The following RAI2 variants were observed in gnomAD, a reference collection of about 807,000 sequenced individuals.
RAI2 encodes the protein retinoic acid-induced protein 2.
In RAI2, 5 loss-of-function variants were observed where a neutral mutation model predicts 15.3. The observed-to-expected ratio is 0.33, with a 90% CI of 0.17 to 0.69. The LOEUF (loss-of-function observed/expected upper bound fraction) is 0.69, where lower values mean the gene tolerates loss of function less well. Among genes scored for constraint, RAI2 ranks in the 30% least tolerant of loss-of-function variants. The pLI, the probability that RAI2 is intolerant of heterozygous loss-of-function variation, is 0.69. For missense variants in RAI2, 424 were observed against 424.7 expected, an observed-to-expected ratio of 1.00 and a Z score of 0.01; for synonymous variants, 191 against 184.0, an observed-to-expected ratio of 1.04 and a Z score of -0.31.
At chrX:17,806,245 G>C (rs2147213701) in intron 1 of RAI2, among the ~76,000 whole-genome samples, 1 of 112,042 alleles carries the variant, frequency 8.9e-6, no homozygotes, top group Admixed American at 9.4e-5. Context: ...TTGGGCCTAG[G>C]GTGGGTGGGG....
At chrX:17,819,731 A>G (rs910487038) in intron 1 of RAI2, among the ~76,000 whole-genome samples, 3 of 112,546 alleles carry the variant, frequency 2.7e-5, no homozygotes, top group African/African-American at 9.7e-5. Context: ...AAAAGTGCAC[A>G]TGCTGTAAGA....
rs1312001818 is a variant in RAI2 at position 17,800,631 on chromosome X, C to T, written c.1380G>A (p.Gly460=). The stretch of plus-strand genomic sequence containing the variant: ...TGAAGGAGAAGTTTTTGGTGGACAC[C>T]CCTGAGAGGCCTTTGATCTTGCCAC... ...IFCGKIKGLS[G]VSTKNFSFKR... Residue 460 remains glycine (G), a synonymous_variant, in exon 2 of 2, where the codon GGG becomes GGA. Transcript: ENST00000451717. 6.6e-6 allele frequency: 8 copies of T among 1,209,522 alleles called. No individual in the cohort carries two copies. The highest frequency in any genetic ancestry group is 7.8e-6 in the Non-Finnish European group (7 of 895,054).
chrX:17,839,077 G>A (rs756787247), intron 1 of RAI2, among the ~76,000 whole-genome samples: 1 of 111,993 alleles, frequency 8.9e-6, no homozygotes, highest in South Asian at 3.8e-4. Flanking sequence ...CTCATGGACA[G>A]GAACATCTCA....
At chrX:17,803,166 C>T in intron 1 of RAI2, among the ~76,000 whole-genome samples, 1 of 111,250 alleles carries the variant, frequency 9.0e-6, no homozygotes, top group Non-Finnish European at 1.9e-5. Flanking sequence ...CTCCTCTCCT[C>T]ACCCCGAAAT....
chrX:17,816,717 C>T (rs1049972482), intron 1 of RAI2, among the ~76,000 whole-genome samples: 2 of 112,143 alleles, frequency 1.8e-5, no homozygotes, highest in African/African-American at 3.2e-5. Flanking sequence ...GGTTCATTCC[C>T]GTGCTTCCCA....
chrX:17,852,115 C>A (rs1199324360), intron 1 of RAI2, among the ~76,000 whole-genome samples: 1 of 111,684 alleles, frequency 9.0e-6, no homozygotes, highest in Non-Finnish European at 1.9e-5. Flanking sequence ...TGGCCTGCAA[C>A]GGACTGGCAA....
intron 1 of RAI2, among the ~76,000 whole-genome samples, chrX:17,824,755 AC>A (rs1181229528): frequency 8.9e-6 from 1 of 111,801 alleles, no homozygotes; most frequent in East Asian, 2.8e-4. Context: ...GAAGTTAGGA[AC>A]CTTCCCTTTC....
intron 1 of RAI2, among the ~76,000 whole-genome samples, chrX:17,848,491 TAA>T (rs369711833): frequency 1.1e-4 from 10 of 89,411 alleles, no homozygotes; most frequent in Admixed American, 2.4e-4. Flanking sequence ...CACCTGTATC[TAA>T]AAAAAAAAAA....
At chrX:17,825,319 A>G (rs2067213740) in intron 1 of RAI2, among the ~76,000 whole-genome samples, 1 of 112,724 alleles carries the variant, frequency 8.9e-6, no homozygotes, top group African/African-American at 3.2e-5. Flanking sequence ...GCTCTGTCAA[A>G]TGCCTCTTTA....
At chrX:17,860,005 C>T (rs761369234) in intron 1 of RAI2, among the ~76,000 whole-genome samples, 2 of 112,291 alleles carry the variant, frequency 1.8e-5, no homozygotes, top group Admixed American at 1.9e-4. Context: ...CCCTCTGCCA[C>T]AAAAGGAATA....
At chrX:17,833,906 C>T (rs1419343175) in intron 1 of RAI2, among the ~76,000 whole-genome samples, 1 of 112,131 alleles carries the variant, frequency 8.9e-6, no homozygotes, top group African/African-American at 3.2e-5. Flanking sequence ...ATTCTACCTA[C>T]CTGCTTTGGC....
chrX:17,846,696 G>C lies in RAI2; in HGVS notation c.-25+14402C>G, dbSNP rs372974443. On this transcript the variant is annotated intron_variant, in intron 1 of 1. Transcript: ENST00000451717. ...GACTACTCACCTAGGCCTGGCTGCA[G>C]GGGGAGGGGAGGCCCAGATACCCAC... 3.6e-5 allele frequency among the ~76,000 whole-genome samples: 4 copies of C among 111,454 alleles called. No individual in the cohort carries two copies. The East Asian group carries it at 8.5e-4, about 24-fold the overall frequency.
At chrX:17,838,789 TCA>T (rs1218326117) in intron 1 of RAI2, among the ~76,000 whole-genome samples, 2 of 110,085 alleles carry the variant, frequency 1.8e-5, no homozygotes, top group Admixed American at 1.9e-4. Context: ...GCAACACACC[TCA>T]CACAGTCACA....
chrX:17,852,846 A>G (rs1326493766), intron 1 of RAI2, among the ~76,000 whole-genome samples: 1 of 111,997 alleles, frequency 8.9e-6, no homozygotes, highest in East Asian at 2.8e-4. Context: ...AATCATTACG[A>G]AAAATGATCC....
At chrX:17,839,795 T>C (rs2067376973) in intron 1 of RAI2, among the ~76,000 whole-genome samples, 1 of 112,699 alleles carries the variant, frequency 8.9e-6, no homozygotes. Context: ...TATCCCAGAT[T>C]ATTACACCAA....
At chrX:17,806,839 A>T (rs1311266204) in intron 1 of RAI2, among the ~76,000 whole-genome samples, 1 of 110,882 alleles carries the variant, frequency 9.0e-6, no homozygotes, top group East Asian at 2.8e-4. Context: ...AAGGAAGCAC[A>T]TCTTCACGTG....
intron 1 of RAI2, among the ~76,000 whole-genome samples, chrX:17,815,521 T>G (rs2067097618): frequency 9.0e-6 from 1 of 111,559 alleles, no homozygotes; most frequent in Admixed American, 9.5e-5. Flanking sequence ...ACCTGTGAAC[T>G]GGACCTTGCC....
At chrX:17,840,943 G>A (rs1254070612) in intron 1 of RAI2, among the ~76,000 whole-genome samples, 3 of 111,810 alleles carry the variant, frequency 2.7e-5, no homozygotes, top group African/African-American at 9.8e-5. Context: ...ACAGGTTTTG[G>A]GGACTAACCA....
intron 1 of RAI2, among the ~76,000 whole-genome samples, chrX:17,853,830 G>T (rs2067565591): frequency 9.0e-6 from 1 of 111,171 alleles, no homozygotes; most frequent in Admixed American, 9.5e-5. Context: ...GTGGGGGTAG[G>T]TATGGGATAT....
Sources: allele counts gnomAD v4.1 joint callset (sites outside exome capture counted in the v4.1 genomes callset), GRCh38; gene constraint gnomAD v4.1.1; transcripts MANE v1.5; gene names NCBI Gene and HGNC (gene_info 2026-07-23, HGNC 2026-07-21).